GLRA2: variants seen among roughly 807,000 people sequenced by gnomAD.
The protein encoded by GLRA2 is glycine receptor alpha 2.
GLRA2 carries 11 observed loss-of-function variants against 31.6 expected under a neutral mutation model. The observed-to-expected ratio is 0.35, with a 90% confidence interval of 0.22 to 0.58. GLRA2 has a LOEUF of 0.58. GLRA2 is among the 20% of genes least tolerant of loss of function. GLRA2 has a pLI of 0.84. For missense variants in GLRA2, 212 were observed against 351.8 expected (o/e 0.60, Z 3.18); for synonymous variants, 132 against 134.0 (o/e 0.99, Z 0.10).
intron 7 of GLRA2, among the ~76,000 whole-genome samples, chrX:14,614,941 T>C (rs1280046650): frequency 1.8e-5 from 2 of 111,950 alleles, no homozygotes; most frequent in African/African-American, 6.5e-5. Flanking sequence ...TGTCTGGTTT[T>C]CTGTAATAAT....
the GLRA2 span, among the ~76,000 whole-genome samples, chrX:14,458,459 G>A: frequency 1.3e-4 from 15 of 111,933 alleles, no homozygotes; most frequent in East Asian, 1.1e-3. Context: ...TGACTTCCAC[G>A]ATGGTTGAAC....
intron 1 of GLRA2, chrX:14,531,242 A>C: frequency 1.6e-6 from 1 of 612,203 alleles, no homozygotes; most frequent in Non-Finnish European, 2.3e-6. Context: ...TCATCTTTGC[A>C]CTTATTTTGA....
At chrX:14,706,786 C>G (rs775738457) in intron 8 of GLRA2, among the ~76,000 whole-genome samples, 1 of 112,263 alleles carries the variant, frequency 8.9e-6, no homozygotes, top group East Asian at 2.8e-4. Context: ...CAAGATTGAA[C>G]AGTGCACACA....
rs747972882 is a variant in GLRA2, at chrX:14,622,676, T to C, written c.930+13471T>C. Reference sequence around the variant, plus strand: ...ATCAGATGGTTATAGATGTGTGGTATTATTTCTGAGGGCTCTGTTCTGTTC... The same window carrying C: ...ATCAGATGGTTATAGATGTGTGGTACTATTTCTGAGGGCTCTGTTCTGTTC... On this transcript the variant is annotated intron_variant, in intron 7 of 8. Coordinates refer to ENST00000218075, the MANE Select transcript of GLRA2 (RefSeq NM_002063.4). Among the ~76,000 whole-genome samples, 3 of 111,944 alleles carry C rather than the reference T, an allele frequency of 2.7e-5. No individual in the cohort carries two copies. In the South Asian group the frequency reaches 1.1e-3, roughly 41 times the overall value.
chrX:14,651,695 C>A (rs2090891972), intron 7 of GLRA2, among the ~76,000 whole-genome samples: 1 of 111,649 alleles, frequency 9.0e-6, no homozygotes, highest in African/African-American at 3.3e-5. Context: ...GCTTGCACTT[C>A]AAAATTGTCT....
At chrX:14,530,615 T>C (rs1163253555) in intron 1 of GLRA2, among the ~76,000 whole-genome samples, 1 of 112,017 alleles carries the variant, frequency 8.9e-6, no homozygotes, top group African/African-American at 3.2e-5. Context: ...AGGAATTTTC[T>C]TGAAATATCA....
chrX:14,493,670 T>C, the GLRA2 span, among the ~76,000 whole-genome samples: 2 of 97,333 alleles, frequency 2.1e-5, no homozygotes, highest in African/African-American at 8.2e-5. Context: ...CATATATATG[T>C]ATACATGTGT....
chrX:14,724,650 A>AAAAAAAAAAAAAAAAAAG, intron 8 of GLRA2, among the ~76,000 whole-genome samples: 1 of 102,814 alleles, frequency 9.7e-6, no homozygotes, highest in African/African-American at 3.6e-5. Flanking sequence ...AAAAAAAAAA[A>AAAAAAAAAAAAAAAAAAG]AACAAGAAGA....
chrX:14,584,607 C>T (rs867175138), intron 4 of GLRA2, among the ~76,000 whole-genome samples: 5 of 112,206 alleles, frequency 4.5e-5, no homozygotes, highest in Non-Finnish European at 7.5e-5. Flanking sequence ...TTGTAAAAAG[C>T]GGCAAAGTCA....
intron 8 of GLRA2, among the ~76,000 whole-genome samples, chrX:14,692,943 T>C (rs1337322182): frequency 9.1e-6 from 1 of 109,653 alleles, no homozygotes; most frequent in East Asian, 2.8e-4. Context: ...TATGGAATAA[T>C]AAACAGACAA....
chrX:14,529,052 C>G (rs2089217993), upstream of GLRA2, among the ~76,000 whole-genome samples: 2 of 111,246 alleles, frequency 1.8e-5, no homozygotes, highest in African/African-American at 6.5e-5. Flanking sequence ...CTTCTGCACG[C>G]GGGCTTCTCT....
At chrX:14,583,997 A>G (rs1333773517) in intron 4 of GLRA2, among the ~76,000 whole-genome samples, 2 of 111,143 alleles carry the variant, frequency 1.8e-5, no homozygotes, top group Non-Finnish European at 3.8e-5. Context: ...GGAACTAAGC[A>G]TTGAATATAT....
chrX:14,453,268 A>T, the GLRA2 span, among the ~76,000 whole-genome samples: 82 of 111,563 alleles, frequency 7.4e-4, no homozygotes, highest in African/African-American at 2.6e-3. Context: ...CCTCTTTGGG[A>T]CATTTAGCAA....
intron 4 of GLRA2, among the ~76,000 whole-genome samples, chrX:14,594,375 A>G (rs2090178450): frequency 8.9e-6 from 1 of 111,735 alleles, no homozygotes; most frequent in Non-Finnish European, 1.9e-5. Flanking sequence ...CTAGACGCAT[A>G]GTAACAATGA....
chrX:14,542,277 G>A (rs746055300), intron 2 of GLRA2, among the ~76,000 whole-genome samples: 1 of 111,858 alleles, frequency 8.9e-6, no homozygotes, highest in Non-Finnish European at 1.9e-5. Flanking sequence ...ATTCACAAAG[G>A]TGGTTCTGAT....
intron 2 of GLRA2, among the ~76,000 whole-genome samples, chrX:14,568,400 T>C (rs1229914314): frequency 8.9e-6 from 1 of 111,750 alleles, no homozygotes; most frequent in Non-Finnish European, 1.9e-5. Flanking sequence ...CAAGAAATAG[T>C]GCTGGGACTC....
At chrX:14,662,727 T>C (rs2091003388) in intron 7 of GLRA2, among the ~76,000 whole-genome samples, 1 of 111,897 alleles carries the variant, frequency 8.9e-6, no homozygotes, top group African/African-American at 3.2e-5. Context: ...TATATATTTA[T>C]TACCAACACA....
chrX:14,628,161 G>A (rs2090608534), intron 7 of GLRA2, among the ~76,000 whole-genome samples: 1 of 111,183 alleles, frequency 9.0e-6, no homozygotes, highest in South Asian at 3.8e-4. Flanking sequence ...CAGGCATAAT[G>A]GGGATTACAT....
the GLRA2 span, among the ~76,000 whole-genome samples, chrX:14,518,451 A>T: frequency 2.7e-5 from 3 of 111,749 alleles, no homozygotes; most frequent in Non-Finnish European, 3.8e-5. Flanking sequence ...CAAAAAACAC[A>T]CAAAACTGGA....
Sources: gnomAD v4.1 joint callset for allele counts (sites outside exome capture counted in the v4.1 genomes callset) on GRCh38, gnomAD v4.1.1 for gene constraint, MANE v1.5 for transcripts, NCBI Gene and HGNC (gene_info 2026-07-23, HGNC 2026-07-21) for gene names.